RUVBL1: variants seen among roughly 807,000 people sequenced by gnomAD.
RUVBL1 encodes RuvB like AAA ATPase 1, also known as ruvB-like 1.
RUVBL1 carries 4 observed loss-of-function variants against 52.4 expected under a neutral mutation model. The observed-to-expected ratio is 0.08, with a 90% CI of 0.04 to 0.17. The LOEUF (loss-of-function observed/expected upper bound fraction) is 0.17, where lower values mean the gene tolerates loss of function less well. RUVBL1 is among the 10% of genes least tolerant of loss of function. The pLI, the probability that RUVBL1 is intolerant of heterozygous loss-of-function variation, is 1.00. For synonymous variants in RUVBL1, 217 were observed against 214.4 expected (o/e 1.01, Z -0.10); for missense variants, 298 against 572.8 (o/e 0.52, Z 4.90).
rs778113765 is a variant in RUVBL1, at chr3:128,153,669, G to T, written c.-506C>A. 5 of 1,596,358 alleles carry T rather than the reference G, an allele frequency of 3.1e-6. 1 individual carries two copies. In the South Asian group the frequency reaches 5.5e-5, roughly 18 times the overall value. ...GCATCACGCTCGATCTGGGCTTCTC[G>T]TGCTTCTCGGTGCCGCTGCCCGCGC... is the stretch of plus-strand genomic sequence containing the variant. On this transcript the variant is annotated 5_prime_UTR_variant, in exon 1 of 10. Transcript: ENST00000464873.
At chr3:128,111,620 T>G (rs1008571213) in intron 3 of RUVBL1, among the ~76,000 whole-genome samples, 2 of 151,980 alleles carry the variant, frequency 1.3e-5, no homozygotes, top group Non-Finnish European at 2.9e-5. Flanking sequence ...TACTATCCAC[T>G]CCCAACCCAG....
chr3:128,099,080 C>T (rs1157062519), intron 6 of RUVBL1, 135 bp from the exon 7 acceptor site: 1 of 700,924 alleles, frequency 1.4e-6, no homozygotes, highest in East Asian at 2.6e-5. Context: ...TGAGGAGCTT[C>T]TAAACACAGA....
chr3:128,150,666 C>CATT (rs1944173621), intron 1 of RUVBL1, among the ~76,000 whole-genome samples: 1 of 125,512 alleles, frequency 8.0e-6, no homozygotes, highest in African/African-American at 3.1e-5. Flanking sequence ...ATATTCTATA[C>CATT]ATATATTCTA....
At chr3:128,142,115 C>T (rs1418497071) in intron 1 of RUVBL1, 1 of 152,362 alleles carries the variant, frequency 6.6e-6, no homozygotes, top group African/African-American at 2.4e-5. Context: ...ATAAAGTCCT[C>T]TGCTGGGAGC....
intron 1 of RUVBL1, among the ~76,000 whole-genome samples, chr3:128,121,230 A>T (rs1943639624): frequency 6.6e-6 from 1 of 150,978 alleles, no homozygotes. Context: ...CGAATAACTG[A>T]GACTACAGGC....
At chr3:128,107,760 G>A (rs369142045) in intron 3 of RUVBL1, among the ~76,000 whole-genome samples, 3 of 152,158 alleles carry the variant, frequency 2.0e-5, no homozygotes, top group South Asian at 2.1e-4. Context: ...CAAACAACAC[G>A]AATATATCAG....
At chr3:128,149,228 A>G (rs1944148855) in intron 1 of RUVBL1, among the ~76,000 whole-genome samples, 1 of 140,398 alleles carries the variant, frequency 7.1e-6, no homozygotes, top group Non-Finnish European at 1.5e-5. Flanking sequence ...TCTGTTGCCC[A>G]GGCTGGAGTG....
At chr3:128,099,326 A>G (rs571889663) in intron 6 of RUVBL1, among the ~76,000 whole-genome samples, 1 of 152,328 alleles carries the variant, frequency 6.6e-6, no homozygotes, top group East Asian at 1.9e-4. Flanking sequence ...CCTTCCTAGA[A>G]GTTCCCAGTC....
In RUVBL1 at chr3:128,098,905, T is replaced by C. The variant is rs1361250710; in HGVS notation, c.794A>G (p.Lys265Arg). ...ACCTGTGATTTCTGTCTTCTTTGGCTTCATTAGCTGGCCCATCATGGACAG... is the reference window on the plus strand; with the variant it reads ...ACCTGTGATTTCTGTCTTCTTTGGCCTCATTAGCTGGCCCATCATGGACAG... ...DILSMMGQLM[K>R]PKKTEITDKL... Residue 265 changes from lysine to arginine, a missense_variant, in exon 7 of 11, where the codon AAG (lysine) becomes AGG (arginine). Around this residue, in one of 5 missense-constraint regions of RUVBL1, gnomAD observed 161 missense variants for 298.3 expected, o/e 0.54. Transcript: ENST00000322623. 1 of 1,614,086 alleles carries C rather than the reference T, an allele frequency of 6.2e-7. No individual in the cohort carries two copies. Among genetic ancestry groups the C allele is most frequent in the Admixed American group, 1.7e-5 (1 of 60,026 alleles).
chr3:128,083,390 A>G (rs1227268566), intron 9 of RUVBL1: 3 of 152,272 alleles, frequency 2.0e-5, no homozygotes, highest in Admixed American at 2.0e-4. Context: ...AAGCACACCC[A>G]GTGTAGAGGC....
chr3:128,067,166 T>C lies in RUVBL1; in HGVS notation c.940-1946A>G. The stretch of plus-strand genomic sequence containing the variant: ...GCACCTGGTCGGTAAGTAGGCTCTT[T>C]GAAGATGAGCTAGCAATGCAGCTAA... On this transcript the variant is annotated intron_variant, in intron 9 of 9. Transcript: ENST00000464873. This position sits in a 1 kb window ranked among gnomAD's most constrained non-coding sequence, Gnocchi z 4.1. 3 of 1,612,012 alleles carry C rather than the reference T, an allele frequency of 1.9e-6. No homozygotes were observed. The highest frequency in any genetic ancestry group is 2.5e-6 in the Non-Finnish European group (3 of 1,178,018).
intron 3 of RUVBL1, among the ~76,000 whole-genome samples, chr3:128,108,929 T>C (rs145079486): frequency 0.011 from 1,645 of 152,216 alleles, 18 homozygotes; most frequent in Non-Finnish European, 0.016. Context: ...CTTACAGATA[T>C]AGACGCTGAG....
At chr3:128,131,187 G>A (rs945540742) in intron 1 of RUVBL1, among the ~76,000 whole-genome samples, 1 of 152,078 alleles carries the variant, frequency 6.6e-6, no homozygotes, top group South Asian at 2.1e-4. Flanking sequence ...GTGCTGCCCT[G>A]ATAACAAAGC....
At chr3:128,116,360 A>G (rs565151872) in intron 2 of RUVBL1, among the ~76,000 whole-genome samples, 1 of 151,728 alleles carries the variant, frequency 6.6e-6, no homozygotes, top group South Asian at 2.1e-4. Context: ...GACCAACATG[A>G]TGAAACCCCA....
chr3:128,145,197 T>C lies in RUVBL1; in HGVS notation c.-40+8006A>G, dbSNP rs146571081. 6.9e-3 allele frequency among the ~76,000 whole-genome samples: 1,047 copies of C among 152,336 alleles called. 14 individuals carry two copies. Among genetic ancestry groups the C allele is most frequent in the African/African-American group, 0.023 (968 of 41,560 alleles). Reference sequence around the variant, plus strand: ...ATATACCAGGAATTGCTCTAAGTGCTATAGACATACCAATTCATATAATCA... The same window carrying C: ...ATATACCAGGAATTGCTCTAAGTGCCATAGACATACCAATTCATATAATCA... On this transcript the variant is annotated intron_variant, in intron 1 of 9. Transcript: ENST00000464873.
chr3:128,153,621 G>A (rs1164834792), exon 1 of RUVBL1: 2 of 1,596,896 alleles, frequency 1.3e-6, no homozygotes, highest in Middle Eastern at 1.8e-4. Flanking sequence ...CCTTTGACAA[G>A]CAGCCGCAGA....
Position 128,081,567 on chromosome 3 carries a change from C to A in RUVBL1, c.1212-158G>T, listed in dbSNP as rs1942477007. ...CAGAAAAGGGGAGACAAAGTTGTCA[C>A]TTCTCAGAGAGCTGCAGTCATTATC... On this transcript the variant is annotated intron_variant, in intron 10 of 10. Transcript: ENST00000322623. The surrounding 1 kb of genome is among the most constrained non-coding windows in gnomAD (Gnocchi z 4.8). 2.8e-6 allele frequency: 2 copies of A among 721,680 alleles called. No homozygotes were observed. The highest frequency in any genetic ancestry group is 4.5e-6 in the Non-Finnish European group (2 of 447,324). The allele number at this position is 721,680 out of a possible 1,614,324, so 44.7% of individuals were successfully genotyped here. A position where few individuals can be genotyped will look rare whatever the true frequency, so the allele number is the denominator to read the frequency against.
chr3:128,066,829 C>T, intron 9 of RUVBL1: 1 of 858,162 alleles, frequency 1.2e-6, no homozygotes, highest in Non-Finnish European at 1.8e-6. Context: ...AACTGGGAGC[C>T]CCAGAACCAG....
intron 4 of RUVBL1, among the ~76,000 whole-genome samples, chr3:128,102,408 C>T (rs1343633304): frequency 6.6e-6 from 1 of 152,238 alleles, no homozygotes; most frequent in East Asian, 1.9e-4. Context: ...TCTGGTGACC[C>T]TCAGTGATTA....
Sources: allele counts gnomAD v4.1 joint callset (sites outside exome capture counted in the v4.1 genomes callset), GRCh38; gene constraint gnomAD v4.1.1; regional missense constraint gnomAD v4.1.1; non-coding constraint Gnocchi (gnomAD v3.1); transcripts MANE v1.5; gene names NCBI Gene and HGNC (gene_info 2026-07-23, HGNC 2026-07-21).